Variants in HIPK2 observed in about 807,000 individuals in gnomAD.
HIPK2 encodes homeodomain-interacting protein kinase 2.
In HIPK2, 27 loss-of-function variants were observed where a neutral mutation model predicts 113.7. That is an observed-to-expected ratio of 0.24 (90% CI 0.17 to 0.33). The LOEUF (loss-of-function observed/expected upper bound fraction) is 0.33, where lower values mean the gene tolerates loss of function less well. Ranked by LOEUF, HIPK2 falls within the 10% of genes least tolerant of loss-of-function variation. HIPK2 has a pLI of 1.00. For missense variants in HIPK2, 1,257 were observed against 1,588.0 expected, an observed-to-expected ratio of 0.79 and a Z score of 3.54; for synonymous variants, 631 against 642.2, an observed-to-expected ratio of 0.98 and a Z score of 0.26.
intron 2 of HIPK2, among the ~76,000 whole-genome samples, chr7:139,659,033 T>A (rs10954652): frequency 6.6e-6 from 1 of 151,850 alleles, no homozygotes; most frequent in Non-Finnish European, 1.5e-5. Context: ...AAACACTGAC[T>A]GATGGACATA....
chr7:139,732,128 C>T (rs1270429111), intron 1 of HIPK2, among the ~76,000 whole-genome samples: 1 of 152,128 alleles, frequency 6.6e-6, no homozygotes, highest in Admixed American at 6.5e-5. Context: ...TTGTAATGTG[C>T]TTTGTAAACT....
intron 2 of HIPK2, among the ~76,000 whole-genome samples, chr7:139,663,753 C>T (rs917998659): frequency 1.3e-5 from 2 of 152,132 alleles, no homozygotes; most frequent in African/African-American, 4.8e-5. Context: ...AAAATTTAAC[C>T]TTGAGACTTT....
rs764756104 is a variant in HIPK2, at chr7:139,629,028, G to T, written c.1359C>A (p.Asp453Glu). ...YPLWRLKTPD[D>E]HEAETGIKSK... ...ACTTAATCCCTGTCTCTGCTTCATG[G>T]TCATCTGGTGTCTGTCAAGAGAGGC... is the stretch of plus-strand genomic sequence containing the variant. Residue 453 changes from aspartate to glutamate, a missense_variant, in exon 5 of 15, where the codon GAC (aspartate) becomes GAA (glutamate). Physicochemically the swap from Asp to Glu is conservative, Grantham distance 45. This residue lies in a region of HIPK2 where 862 missense variants were observed against 1,004.3 expected (regional missense o/e 0.86). Transcript: ENST00000406875. 3 of 1,588,750 alleles carry T rather than the reference G, an allele frequency of 1.9e-6. No individual in the cohort carries two copies. The highest frequency in any genetic ancestry group is 2.6e-6 in the Non-Finnish European group (3 of 1,165,540).
intron 2 of HIPK2, among the ~76,000 whole-genome samples, chr7:139,712,916 G>C (rs1000758551): frequency 7.2e-5 from 11 of 152,166 alleles, no homozygotes; most frequent in African/African-American, 2.7e-4. Context: ...TAGAAATGAA[G>C]CCTCATTTCA....
chr7:139,685,553 G>T (rs1794190061), intron 2 of HIPK2, among the ~76,000 whole-genome samples: 1 of 152,196 alleles, frequency 6.6e-6, no homozygotes, highest in African/African-American at 2.4e-5. Context: ...TCAATGCCTG[G>T]CTTCAAAGAT....
chr7:139,736,202 A>G (rs1395389417), intron 1 of HIPK2, among the ~76,000 whole-genome samples: 1 of 152,194 alleles, frequency 6.6e-6, no homozygotes, highest in Non-Finnish European at 1.5e-5. Flanking sequence ...AGGTGCAGAC[A>G]ACAAACTAGA....
rs115283607 is a variant in HIPK2, at chr7:139,761,882, C to T, written c.19+15723G>A. ...CATTTTGGTTAAAAAAATGTGCACA[C>T]ATCTATGCATACAAAAAGACCTAAG... On this transcript the variant is annotated intron_variant, in intron 1 of 14. Transcript: ENST00000406875. Among the ~76,000 whole-genome samples the T allele has an allele frequency of 7.2e-3, 1,101 of 152,212 alleles. 15 individuals carry two copies. Among genetic ancestry groups the T allele is most frequent in the African/African-American group, 0.025 (1,027 of 41,534 alleles).
chr7:139,709,164 T>A (rs369140867), intron 2 of HIPK2, among the ~76,000 whole-genome samples: 1 of 152,166 alleles, frequency 6.6e-6, no homozygotes, highest in Admixed American at 6.5e-5. Context: ...CCGAAACGCA[T>A]ACATGTACGT....
chr7:139,721,864 A>G (rs1795421193), intron 1 of HIPK2, among the ~76,000 whole-genome samples: 1 of 152,192 alleles, frequency 6.6e-6, no homozygotes, highest in Admixed American at 6.5e-5. Flanking sequence ...CTGCTCCTAC[A>G]GGAATGACCT....
Position 139,735,442 on chromosome 7 carries a change from G to A in HIPK2, c.20-18427C>T, listed in dbSNP as rs149145212. Among the ~76,000 whole-genome samples, 286 of 152,274 alleles carry A rather than the reference G, an allele frequency of 1.9e-3. 1 individual carries two copies. The highest frequency in any genetic ancestry group is 6.4e-3 in the African/African-American group (266 of 41,542). On this transcript the variant is annotated intron_variant, in intron 1 of 14. Coordinates refer to ENST00000406875, the MANE Select transcript of HIPK2 (RefSeq NM_022740.5). Reference sequence around the variant, plus strand: ...AGAACCCAATAATCCTTAAATTTATGGAGTCAAATTTCCAAATCTGCTAGG... The same window carrying A: ...AGAACCCAATAATCCTTAAATTTATAGAGTCAAATTTCCAAATCTGCTAGG...
chr7:139,682,653 C>T (rs1486686269), intron 2 of HIPK2, among the ~76,000 whole-genome samples: 1 of 152,232 alleles, frequency 6.6e-6, no homozygotes, highest in African/African-American at 2.4e-5. Context: ...TCCTGCCACA[C>T]AGTAAGTGCT....
intron 2 of HIPK2, among the ~76,000 whole-genome samples, chr7:139,697,138 G>T (rs1322250807): frequency 2.0e-4 from 31 of 152,180 alleles, no homozygotes; most frequent in Non-Finnish European, 4.1e-4. Context: ...AGTCCTTCTT[G>T]TAAGACAGAG....
Position 139,573,086 on chromosome 7 carries a change from C to T in HIPK2, c.3438G>A (p.Val1146=). ...YPASIVHQVP[V]SMGPRVLPSP... ...AGGGCAGGACCCGGGGGCCCATGCTCACGGGGACCTGGTGGACGATGCTGG... is the reference window on the plus strand; with the variant it reads ...AGGGCAGGACCCGGGGGCCCATGCTTACGGGGACCTGGTGGACGATGCTGG... Residue 1146 remains valine, a synonymous_variant, in exon 15 of 15, where the codon GTG becomes GTA. Transcript: ENST00000406875. 1 of 1,611,898 alleles carries T rather than the reference C, an allele frequency of 6.2e-7. No individual in the cohort carries two copies. The highest frequency in any genetic ancestry group is 8.5e-7 in the Non-Finnish European group (1 of 1,179,108).
At chr7:139,719,116 G>A (rs1364249484) in intron 1 of HIPK2, among the ~76,000 whole-genome samples, 1 of 152,004 alleles carries the variant, frequency 6.6e-6, no homozygotes, top group Non-Finnish European at 1.5e-5. Flanking sequence ...GTGTGCTCGG[G>A]TGGTTCCTCT....
At chr7:139,616,454 G>A (rs1460118574) in intron 7 of HIPK2, among the ~76,000 whole-genome samples, 1 of 152,040 alleles carries the variant, frequency 6.6e-6, no homozygotes, top group Non-Finnish European at 1.5e-5. Flanking sequence ...TTACCTTCTA[G>A]ACTTATCTCC....
chr7:139,752,397 C>A (rs539518533), intron 1 of HIPK2, among the ~76,000 whole-genome samples: 1 of 152,162 alleles, frequency 6.6e-6, no homozygotes, highest in Non-Finnish European at 1.5e-5. Flanking sequence ...TAATAAGATG[C>A]CCTCTGTCCG....
intron 6 of HIPK2, among the ~76,000 whole-genome samples, chr7:139,625,425 C>G (rs1800393357): frequency 6.6e-6 from 1 of 152,204 alleles, no homozygotes; most frequent in Admixed American, 6.5e-5. Flanking sequence ...CAGATCTAAC[C>G]AGCTATTCCC....
intron 1 of HIPK2, among the ~76,000 whole-genome samples, chr7:139,724,114 T>A (rs1403413718): frequency 2.0e-5 from 3 of 152,020 alleles, no homozygotes; most frequent in Admixed American, 6.6e-5. Flanking sequence ...ATAACAAAAT[T>A]ATAGAATATG....
intron 2 of HIPK2, among the ~76,000 whole-genome samples, chr7:139,700,479 A>G (rs1794676932): frequency 6.6e-6 from 1 of 152,192 alleles, no homozygotes; most frequent in Non-Finnish European, 1.5e-5. Context: ...ATCAGCAACG[A>G]CCTGCTTCAA....
Sources: allele counts gnomAD v4.1 joint callset (sites outside exome capture counted in the v4.1 genomes callset), GRCh38; gene constraint gnomAD v4.1.1; regional missense constraint gnomAD v4.1.1; transcripts MANE v1.5; gene names NCBI Gene and HGNC (gene_info 2026-07-23, HGNC 2026-07-21).